The following TF variants were observed in gnomAD, a reference collection of about 807,000 sequenced individuals.
TF encodes the protein transferrin.
Under a neutral mutation model 82.4 loss-of-function variants are expected in TF, and 55 were observed. The observed-to-expected ratio is 0.67, with a 90% CI of 0.54 to 0.84. The LOEUF (loss-of-function observed/expected upper bound fraction) is 0.84, where lower values mean the gene tolerates loss of function less well. Among genes scored for constraint, TF ranks in the 40% least tolerant of loss-of-function variants. The pLI is 0.00. For missense variants in TF, 737 were observed against 868.4 expected, an observed-to-expected ratio of 0.85 and a Z score of 1.90; for synonymous variants, 332 against 332.6, an observed-to-expected ratio of 1.00 and a Z score of 0.02.
chr3:133,699,360 T>A, the TF span: 1 of 692,894 alleles, frequency 1.4e-6, no homozygotes, highest in Non-Finnish European at 2.3e-6. Flanking sequence ...GCCACATATT[T>A]GATGGTTCGG....
the TF span, among the ~76,000 whole-genome samples, chr3:133,663,597 A>C: frequency 1.3e-5 from 2 of 152,126 alleles, no homozygotes; most frequent in East Asian, 3.9e-4. Flanking sequence ...TGCTCACACT[A>C]TTCCCGTTTA....
At chr3:133,723,637 T>TTTATTATTA in the TF span, among the ~76,000 whole-genome samples, 8,924 of 143,222 alleles carry the variant, frequency 0.062, 392 homozygotes, top group East Asian at 0.19. Flanking sequence ...GTTTGGTTCT[T>TTTATTATTA]TTATTATTAT....
chr3:133,726,578 A>G, the TF span, among the ~76,000 whole-genome samples: 1 of 151,902 alleles, frequency 6.6e-6, no homozygotes, highest in Non-Finnish European at 1.5e-5. Context: ...CTAGTGGTCT[A>G]TCAATTTTGT....
upstream of TF, among the ~76,000 whole-genome samples, chr3:133,744,324 C>G (rs1213330386): frequency 1.3e-5 from 2 of 152,330 alleles, no homozygotes; most frequent in Admixed American, 6.5e-5. Flanking sequence ...TTGAGCTTCC[C>G]TGAGTTTGTG....
the TF span, among the ~76,000 whole-genome samples, chr3:133,725,242 T>A: frequency 6.6e-6 from 1 of 152,110 alleles, no homozygotes; most frequent in African/African-American, 2.4e-5. Context: ...TAAATTACCT[T>A]GGGCAGTATG....
chr3:133,755,372 A>T lies in TF; in HGVS notation c.512A>T (p.Asn171Ile), dbSNP rs1203225366. 3.7e-6 allele frequency: 6 copies of T among 1,614,108 alleles called. No individual in the cohort carries two copies. Among genetic ancestry groups the T allele is most frequent in the Non-Finnish European group, 4.2e-6 (5 of 1,180,024 alleles). The change falls in exon 5 of 17, where the codon AAT becomes ATT. Residue 171 changes from asparagine (N) to isoleucine (I), a missense_variant. Transcript: ENST00000402696. ...TCTCTGTGCTGAGCAGCAGTGGCCAATTTCTTCTCGGGCAGCTGTGCCCCT... is the reference window on the plus strand; with the variant it reads ...TCTCTGTGCTGAGCAGCAGTGGCCATTTTCTTCTCGGGCAGCTGTGCCCCT... ...PRKPLEKAVA[N>I]FFSGSCAPCA...
rs780651404 is a variant in TF, at chr3:133,748,478, A to T, written c.110A>T (p.Lys37Met). The T allele has an allele frequency of 2.5e-6, 4 of 1,614,168 alleles. No homozygotes were observed. In the East Asian group the frequency reaches 8.9e-5, roughly 36 times the overall value. The change falls in exon 2 of 17, where the codon AAG (lysine) becomes ATG (methionine). Residue 37 changes from lysine (K) to methionine (M), a missense_variant. Transcript: ENST00000402696. ...WCAVSEHEAT[K>M]CQSFRDHMKS... ...GCAGTGTCGGAGCATGAGGCCACTA[A>T]GTGCCAGAGTTTCCGCGACCATATG...
At chr3:133,740,826 G>A in the TF span, among the ~76,000 whole-genome samples, 1 of 150,560 alleles carries the variant, frequency 6.6e-6, no homozygotes, top group African/African-American at 2.4e-5. Context: ...TTAAAGTCTG[G>A]TACATAAAAG....
chr3:133,675,242 C>CAAAAAAAA, the TF span, among the ~76,000 whole-genome samples: 1 of 55,452 alleles, frequency 1.8e-5, no homozygotes, highest in Non-Finnish European at 3.2e-5. Flanking sequence ...GAGACTCTGT[C>CAAAAAAAA]AAAAAAAAAA....
In TF at chr3:133,756,286, C is replaced by A. The variant is rs1041146546; in HGVS notation, c.640C>A (p.Leu214Met). The A allele has an allele frequency of 1.2e-6, 2 of 1,613,904 alleles. No individual in the cohort carries two copies. Among genetic ancestry groups the A allele is most frequent in the African/African-American group, 2.7e-5 (2 of 74,892 alleles). ...YFGYSGAFKCLKDGAGDVAFV... is the reference protein window; with the variant it reads ...YFGYSGAFKCMKDGAGDVAFV... ...TGATGTGTTTCTTTGACCCAGGTGT[C>A]TGAAGGATGGTGCTGGGGATGTGGC... The change falls in exon 6 of 17, where the codon CTG (leucine) becomes ATG (methionine). Residue 214 changes from leucine (L) to methionine (M), a missense_variant. Transcript: ENST00000402696.
At chr3:133,692,380 T>C in the TF span, among the ~76,000 whole-genome samples, 15,404 of 152,242 alleles carry the variant, frequency 0.1, 813 homozygotes, top group Middle Eastern at 0.18. Flanking sequence ...CTCACACCTT[T>C]ACTTCGTGTT....
In TF at chr3:133,757,849, T is replaced by A; in HGVS notation, c.951T>A (p.Ser317=). ...PHGKDLLFKD[S]AHGFLKVPPR... The stretch of plus-strand genomic sequence containing the variant: ...GGAAGGACCTGCTGTTTAAGGACTC[T>A]GCCCACGGGTTTTTAAAAGTCCCCC... Residue 317 remains serine, a synonymous_variant, in exon 8 of 17, where the codon TCT becomes TCA. Transcript: ENST00000402696. 6.2e-7 allele frequency: 1 copy of A among 1,614,216 alleles called. No individual in the cohort carries two copies. The highest frequency in any genetic ancestry group is 1.1e-5 in the South Asian group (1 of 91,084).
At chr3:133,766,228 T>C (rs755665491) in intron 11 of TF, 50 bp from the exon 12 acceptor site, 2 of 1,585,080 alleles carry the variant, frequency 1.3e-6, no homozygotes, top group South Asian at 2.2e-5. Flanking sequence ...GCAGACACTC[T>C]GGAAGCCCCA....
Position 133,757,003 on chromosome 3 carries a change from G to T in TF, c.864G>T (p.Gln288His), listed in dbSNP as rs753256622. The change falls in exon 7 of 17, where the codon CAG becomes CAT. Residue 288 changes from glutamine to histidine, a missense_variant. By Grantham distance (24) the Gln-to-His change is conservative. Transcript: ENST00000402696. ...KEDLIWELLN[Q>H]AQEHFGKDKS... is the part of the protein sequence containing the mutation. Reference sequence around the variant, plus strand: ...ACTTGATCTGGGAGCTTCTCAACCAGGCCCAGGTATCCCCACCTGCCATCC... The same window carrying T: ...ACTTGATCTGGGAGCTTCTCAACCATGCCCAGGTATCCCCACCTGCCATCC... 1 of 1,614,170 alleles carries T rather than the reference G, an allele frequency of 6.2e-7. No individual in the cohort carries two copies. The highest frequency in any genetic ancestry group is 2.2e-5 in the East Asian group (1 of 44,872).
the TF span, among the ~76,000 whole-genome samples, chr3:133,669,586 T>G: frequency 6.6e-6 from 1 of 152,078 alleles, no homozygotes; most frequent in African/African-American, 2.4e-5. Context: ...GGAAATTTCT[T>G]GCACTACCTT....
the TF span, among the ~76,000 whole-genome samples, chr3:133,725,426 T>G: frequency 6.6e-6 from 1 of 152,116 alleles, no homozygotes; most frequent in Non-Finnish European, 1.5e-5. Context: ...CAATTGTGAA[T>G]GGGAGTTCAC....
At chr3:133,745,305 T>C (rs1258954842), upstream of TF, among the ~76,000 whole-genome samples, 1 of 152,238 alleles carries the variant, frequency 6.6e-6, no homozygotes, top group Non-Finnish European at 1.5e-5. Context: ...GCAAAATCTC[T>C]GAAGTCTGGA....
the TF span, among the ~76,000 whole-genome samples, chr3:133,682,989 G>A: frequency 5.1e-4 from 78 of 152,332 alleles, no homozygotes; most frequent in Middle Eastern, 3.4e-3. Context: ...AGCTCATCAG[G>A]CTAACAGCTG....
chr3:133,689,216 C>T, the TF span, among the ~76,000 whole-genome samples: 1 of 151,992 alleles, frequency 6.6e-6, no homozygotes, highest in Non-Finnish European at 1.5e-5. Context: ...ACCTGTAGTC[C>T]CAGCTACTTG....
Sources: allele counts gnomAD v4.1 joint callset (sites outside exome capture counted in the v4.1 genomes callset), GRCh38; gene constraint gnomAD v4.1.1; transcripts MANE v1.5; gene names NCBI Gene and HGNC (gene_info 2026-07-23, HGNC 2026-07-21).